The following MGAT1 variants were observed in gnomAD, a reference collection of about 807,000 sequenced individuals.
The protein encoded by MGAT1 is alpha-1,3-mannosyl-glycoprotein 2-beta-N-acetylglucosaminyltransferase, also known as N-glycosyl-oligosaccharide-glycoprotein N-acetylglucosaminyltransferase I.
MGAT1 carries 14 observed loss-of-function variants against 31.7 expected under a neutral mutation model. The observed-to-expected ratio is 0.44, with a 90% CI of 0.29 to 0.69. The LOEUF (loss-of-function observed/expected upper bound fraction) is 0.69. Ranked by LOEUF, MGAT1 falls within the 30% of genes least tolerant of loss-of-function variation. The pLI, the probability that MGAT1 is intolerant of heterozygous loss-of-function variation, is 0.12. For missense variants in MGAT1, 557 were observed against 626.0 expected, an observed-to-expected ratio of 0.89 and a Z score of 1.18; for synonymous variants, 338 against 276.0, an observed-to-expected ratio of 1.22 and a Z score of -2.23.
chr5:180,791,768 C>T lies in MGAT1; in HGVS notation c.1204G>A (p.Gly402Ser), dbSNP rs1345184096. Residue 402 changes from glycine to serine, a missense_variant, in exon 2 of 2, where the codon GGT (glycine) becomes AGT (serine). Transcript: ENST00000307826. Reference sequence around the variant, plus strand: ...CCCGACTTAAGGTCATCCATGACACCCAGAGCCTTGGCGAAAGCCTTGAAG... The same window carrying T: ...CCCGACTTAAGGTCATCCATGACACTCAGAGCCTTGGCGAAAGCCTTGAAG... ...DSFKAFAKAL[G>S]VMDDLKSGVP... is the part of the protein sequence containing the mutation. 5 of 1,614,224 alleles carry T rather than the reference C, an allele frequency of 3.1e-6. No individual in the cohort carries two copies. Among genetic ancestry groups the T allele is most frequent in the Non-Finnish European group, 4.2e-6 (5 of 1,180,046 alleles).
Position 180,791,413 on chromosome 5 carries a change from AC to A in MGAT1, c.*220del. ...ACCACACAGTGGTTTCCTGCTTAATACCCCGCAACATACCCTAGAATAGTTC... is the reference window on the plus strand; with the variant it reads ...ACCACACAGTGGTTTCCTGCTTAATACCCGCAACATACCCTAGAATAGTTC... On this transcript the variant is annotated 3_prime_UTR_variant, in exon 2 of 2. Coordinates refer to ENST00000307826, the MANE Select transcript of MGAT1 (RefSeq NM_002406.4). 1 of 630,688 alleles carries A rather than the reference AC, an allele frequency of 1.6e-6. No homozygotes were observed. Among genetic ancestry groups the A allele is most frequent in the Non-Finnish European group, 2.7e-6 (1 of 366,566 alleles). 39.1% of individuals were successfully genotyped at this position (630,688 alleles called of 1,614,324 possible).
chr5:180,792,740 C>A lies in MGAT1; in HGVS notation c.232G>T (p.Ala78Ser). The change falls in exon 2 of 2, where the codon GCC becomes TCC. Residue 78 changes from alanine to serine, a missense_variant. Physicochemically the swap from Ala to Ser is moderately conservative, Grantham distance 99. Around this residue, in one of 3 missense-constraint regions of MGAT1, gnomAD observed 167 missense variants for 149.8 expected, o/e 1.11. Coordinates refer to ENST00000307826, the MANE Select transcript of MGAT1 (RefSeq NM_002406.4). ...QRGLLQQIGD[A>S]LSSQRGRVPT... is the part of the protein sequence containing the mutation. The stretch of plus-strand genomic sequence containing the variant: ...ACCCTCCCCCGCTGGCTCGACAGGG[C>A]ATCCCCGATCTGCTGCAGCAGCCCA... 6.5e-7 allele frequency: 1 copy of A among 1,546,968 alleles called. No homozygotes were observed. Among genetic ancestry groups the A allele is most frequent in the Non-Finnish European group, 8.7e-7 (1 of 1,146,820 alleles).
rs897886964 is a variant in MGAT1 at position 180,793,107 on chromosome 5, G to A, written c.-126-10C>T. The A allele has an allele frequency of 1.8e-6, 2 of 1,081,702 alleles. No homozygotes were observed. The highest frequency in any genetic ancestry group is 2.6e-5 in the East Asian group (1 of 38,400). The allele number at this position is 1,081,702 out of a possible 1,614,324, so 67.0% of individuals were successfully genotyped here. On this transcript the variant is annotated splice_polypyrimidine_tract_variant and intron_variant, in intron 1 of 1. Transcript: ENST00000307826. ...GGAGGCAGCCATGCACCTAAAGACA[G>A]GAGAGAGAAAGCAAACCGTCACACA...
At chr5:180,797,359 A>G (rs1357878137) in intron 1 of MGAT1, among the ~76,000 whole-genome samples, 1 of 134,218 alleles carries the variant, frequency 7.5e-6, no homozygotes, top group Non-Finnish European at 1.5e-5. Flanking sequence ...CTGAGATGGC[A>G]CCACTGCCTT....
intron 1 of MGAT1, among the ~76,000 whole-genome samples, chr5:180,811,888 A>C (rs986559966): frequency 6.6e-6 from 1 of 152,120 alleles, no homozygotes; most frequent in East Asian, 1.9e-4. Flanking sequence ...TCTATTTGTA[A>C]AACACCCCTT....
At chr5:180,802,120 G>GGGCGAC (rs1554131457) in intron 1 of MGAT1, among the ~76,000 whole-genome samples, 1 of 152,078 alleles carries the variant, frequency 6.6e-6, no homozygotes, top group Non-Finnish European at 1.5e-5. Flanking sequence ...TCAGCCTTCA[G>GGGCGAC]GGAGCCGGCC....
At chr5:180,815,035 TGAG>T (rs972409707) in intron 1 of MGAT1, among the ~76,000 whole-genome samples, 13 of 152,190 alleles carry the variant, frequency 8.5e-5, no homozygotes, top group Non-Finnish European at 8.8e-5. Flanking sequence ...CTCTGGAGGC[TGAG>T]AAGTCCAAAG....
intron 1 of MGAT1, among the ~76,000 whole-genome samples, chr5:180,797,841 C>CATT (rs1769819798): frequency 6.7e-6 from 1 of 149,432 alleles, no homozygotes; most frequent in South Asian, 2.1e-4. Flanking sequence ...CAGCCCACCT[C>CATT]CTTAGGCTCA....
intron 1 of MGAT1, chr5:180,809,791 ACAC>A (rs1243860779): frequency 1.4e-5 from 2 of 142,002 alleles, no homozygotes; most frequent in Non-Finnish European, 3.0e-5. Context: ...GTAAACACAC[ACAC>A]ATCCATTCTC....
chr5:180,813,551 T>C (rs560175310), intron 1 of MGAT1, among the ~76,000 whole-genome samples: 82 of 152,222 alleles, frequency 5.4e-4, no homozygotes, highest in Non-Finnish European at 1.0e-3. Flanking sequence ...TTGCTGTACA[T>C]ACTGCCTTCA....
At chr5:180,799,827 T>G (rs1416038333) in intron 1 of MGAT1, among the ~76,000 whole-genome samples, 1 of 152,102 alleles carries the variant, frequency 6.6e-6, no homozygotes, top group African/African-American at 2.4e-5. Context: ...TGAGACTAAC[T>G]CATAAAAGGC....
chr5:180,807,089 G>A (rs1771976928), upstream of MGAT1, among the ~76,000 whole-genome samples: 3 of 151,938 alleles, frequency 2.0e-5, no homozygotes, highest in South Asian at 6.2e-4. Flanking sequence ...AAACTCCTGT[G>A]GCAAAAAAGG....
intron 1 of MGAT1, among the ~76,000 whole-genome samples, chr5:180,812,583 CACAT>C (rs1262357290): frequency 1.3e-5 from 2 of 152,118 alleles, no homozygotes; most frequent in Admixed American, 6.5e-5. Flanking sequence ...CACACACACA[CACAT>C]ACATAACAGG....
In MGAT1 at chr5:180,789,872, C is replaced by T. The variant is rs61343324; in HGVS notation, c.*1762G>A. Reference sequence around the variant, plus strand: ...GTCCCGAACTCCTGACTTCGTGATCCGTCCGCCTCAGCCTCCCAAAGTGCT... The same window carrying T: ...GTCCCGAACTCCTGACTTCGTGATCTGTCCGCCTCAGCCTCCCAAAGTGCT... On this transcript the variant is annotated 3_prime_UTR_variant, in exon 2 of 2. Transcript: ENST00000307826. The T allele has an allele frequency of 0.14, 20,677 of 151,982 alleles. 1,515 individuals are homozygous for T. Among genetic ancestry groups the T allele is most frequent in the East Asian group, 0.2 (1,044 of 5,142 alleles). 9.4% of individuals were successfully genotyped at this position (151,982 alleles called of 1,614,324 possible).
intron 1 of MGAT1, 36 bp from the exon 2 acceptor site, chr5:180,793,133 A>C: frequency 4.7e-6 from 4 of 855,450 alleles, no homozygotes; most frequent in Non-Finnish European, 7.0e-6. Context: ...CCGTCACACA[A>C]AGGCTCGTGG....
Position 180,792,441 on chromosome 5 carries a change from G to A in MGAT1, c.531C>T (p.Arg177=). Residue 177 remains arginine, a synonymous_variant, in exon 2 of 2, where the codon CGC becomes CGT. Coordinates refer to ENST00000307826, the MANE Select transcript of MGAT1 (RefSeq NM_002406.4). ...LSSIAVPPDH[R]KFQGYYKIAR... ...CGATCTTGTAGTAGCCCTGGAACTT[G>A]CGGTGGTCCGGCGGCACCGCAATGC... 1 of 1,612,266 alleles carries A rather than the reference G, an allele frequency of 6.2e-7. No individual in the cohort carries two copies. The highest frequency in any genetic ancestry group is 1.1e-5 in the South Asian group (1 of 91,004).
upstream of MGAT1, chr5:180,802,911 CG>C (rs1164672571): frequency 1.3e-5 from 2 of 149,454 alleles, no homozygotes; most frequent in Non-Finnish European, 3.0e-5. Context: ...CGCCGCGCCC[CG>C]CCCCCCGGCC....
Position 180,791,820 on chromosome 5 carries a change from C to A in MGAT1, c.1152G>T (p.Val384=), listed in dbSNP as rs2070925. Residue 384 remains valine (V), a synonymous_variant, in exon 2 of 2, where the codon GTG becomes GTT. Coordinates refer to ENST00000307826, the MANE Select transcript of MGAT1 (RefSeq NM_002406.4). ...TGTCCCTGCCCGTATACTGCACCCG[C>A]ACCTCCCCCAGCTCCTTCCGGTCAT... ...RTNDRKELGE[V]RVQYTGRDSF... 87,926 of 1,614,172 alleles carry A rather than the reference C, an allele frequency of 0.054. 3,315 individuals carry two copies. Among genetic ancestry groups the A allele is most frequent in the East Asian group, 0.17 (7,521 of 44,870 alleles).
rs1767979149 is a variant in MGAT1 at position 180,790,995 on chromosome 5, TGAGGA to T, written c.*634_*638del. ...TCTCTCCTGACAGCTGGGCATGGGC[TGAGGA>T]GAGGTCTTGCTTGCCCCCTTCAACT... is the stretch of plus-strand genomic sequence containing the variant. On this transcript the variant is annotated 3_prime_UTR_variant, in exon 2 of 2. Coordinates refer to ENST00000307826, the MANE Select transcript of MGAT1 (RefSeq NM_002406.4). 6.6e-6 allele frequency: 1 copy of T among 152,662 alleles called. No individual in the cohort carries two copies. Among genetic ancestry groups the T allele is most frequent in the African/African-American group, 2.4e-5 (1 of 41,436 alleles). The allele number at this position is 152,662 out of a possible 1,614,324, so 9.5% of individuals were successfully genotyped here.
Sources: allele counts gnomAD v4.1 joint callset (sites outside exome capture counted in the v4.1 genomes callset), GRCh38; gene constraint gnomAD v4.1.1; regional missense constraint gnomAD v4.1.1; transcripts MANE v1.5; gene names NCBI Gene and HGNC (gene_info 2026-07-23, HGNC 2026-07-21).